Variants in AP3S1 observed in about 807,000 individuals in gnomAD.
The protein encoded by AP3S1 is adaptor related protein complex 3 subunit sigma 1.
Under a neutral mutation model 21.3 loss-of-function variants are expected in AP3S1, and 12 were observed. The ratio of observed to expected loss-of-function variants is 0.56; its 90% CI spans 0.36 to 0.91. The LOEUF is 0.91. Ranked by LOEUF, AP3S1 falls within the 40% of genes least tolerant of loss-of-function variation. AP3S1 has a pLI of 0.01. For missense variants in AP3S1, 116 were observed against 225.0 expected (o/e 0.52, Z 3.10); for synonymous variants, 48 against 78.4 (o/e 0.61, Z 2.05).
chr5:115,885,371 A>G (rs151306428), intron 3 of AP3S1, among the ~76,000 whole-genome samples: 1 of 152,204 alleles, frequency 6.6e-6, no homozygotes, highest in Non-Finnish European at 1.5e-5. Flanking sequence ...TGCAGCCTTC[A>G]GTCTGTGGTC....
intron 1 of AP3S1, among the ~76,000 whole-genome samples, chr5:115,852,570 T>A (rs152369): frequency 0.33 from 49,571 of 151,992 alleles, 8,327 homozygotes; most frequent in South Asian, 0.45. Flanking sequence ...TAAGTTTAGA[T>A]CATTTTTGTC....
rs565737658 is a variant in AP3S1 at position 115,881,885 on chromosome 5, A to T, written c.273+11757A>T. 3.3e-5 allele frequency among the ~76,000 whole-genome samples: 5 copies of T among 151,856 alleles called. No homozygotes were observed. In the South Asian group the frequency reaches 1.0e-3, roughly 32 times the overall value. Reference sequence around the variant, plus strand: ...TCATGTAGTGTCATATTTCTTGGAGACATTGTTTGTTCCTTTTCATTCTTT... The same window carrying T: ...TCATGTAGTGTCATATTTCTTGGAGTCATTGTTTGTTCCTTTTCATTCTTT... On this transcript the variant is annotated intron_variant, in intron 3 of 5. Transcript: ENST00000316788.
intron 1 of AP3S1, chr5:115,842,689 T>C (rs539055910): frequency 2.6e-5 from 4 of 152,454 alleles, no homozygotes; most frequent in Admixed American, 6.5e-5. Context: ...CTGTACAGTC[T>C]CTCTTCTGCA....
rs572687640 is a variant in AP3S1, at chr5:115,841,971, G to T, written c.-67G>T. The stretch of plus-strand genomic sequence containing the variant: ...GGGGAAGGATCGCAGGCGAGATTAC[G>T]AGGCGAGGCTCGCGCGCCCGCCCCC... On this transcript the variant is annotated 5_prime_UTR_variant, in exon 1 of 6. Transcript: ENST00000316788. 29 of 1,449,010 alleles carry T rather than the reference G, an allele frequency of 2.0e-5. No individual in the cohort carries two copies. The highest frequency in any genetic ancestry group is 3.1e-5 in the African/African-American group (2 of 64,322). The allele number at this position is 1,449,010 out of a possible 1,614,324, so 89.8% of individuals were successfully genotyped here.
intron 3 of AP3S1, among the ~76,000 whole-genome samples, chr5:115,886,894 G>A (rs917806677): frequency 3.3e-5 from 5 of 152,294 alleles, no homozygotes; most frequent in Middle Eastern, 3.4e-3. Context: ...TATGTGTTAA[G>A]TGCATGGTAC....
At chr5:115,854,497 T>G (rs1196353301) in intron 1 of AP3S1, among the ~76,000 whole-genome samples, 1 of 152,130 alleles carries the variant, frequency 6.6e-6, no homozygotes, top group Non-Finnish European at 1.5e-5. Context: ...CTATCCTGAT[T>G]GCTGGTTCTT....
intron 5 of AP3S1, 41 bp from the exon 6 acceptor site, chr5:115,913,321 G>A (rs764677437): frequency 4.3e-6 from 5 of 1,153,548 alleles, no homozygotes; most frequent in Non-Finnish European, 2.2e-6. Flanking sequence ...CTACACCTGA[G>A]TTGTACATTT....
At chr5:115,855,858 A>C (rs1297574022) in intron 1 of AP3S1, among the ~76,000 whole-genome samples, 2 of 151,852 alleles carry the variant, frequency 1.3e-5, no homozygotes, top group Non-Finnish European at 2.9e-5. Flanking sequence ...AAATTTTTAA[A>C]AGAATGATGA....
Position 115,904,324 on chromosome 5 carries a change from G to T in AP3S1, c.453+1332G>T, listed in dbSNP as rs146493238. 5.1e-3 allele frequency among the ~76,000 whole-genome samples: 779 copies of T among 152,284 alleles called. 2 individuals carry two copies. The highest frequency in any genetic ancestry group is 7.3e-3 in the South Asian group (35 of 4,824). On this transcript the variant is annotated intron_variant, in intron 5 of 5. Coordinates refer to ENST00000316788, the MANE Select transcript of AP3S1 (RefSeq NM_001284.4). ...GGTGAGTTCTGAAAAATTTTACCTT[G>T]TTGGCATTTTAAAGGATCAGTTTAA...
At chr5:115,904,488 A>T (rs931143888) in intron 5 of AP3S1, among the ~76,000 whole-genome samples, 3 of 152,176 alleles carry the variant, frequency 2.0e-5, no homozygotes, top group African/African-American at 7.2e-5. Flanking sequence ...ATTTTTCTTT[A>T]TCTCAATTTC....
In AP3S1 at chr5:115,859,212, AT is replaced by A. The variant is rs553310316; in HGVS notation, c.70-7456del. On this transcript the variant is annotated intron_variant, in intron 1 of 5. Coordinates refer to ENST00000316788, the MANE Select transcript of AP3S1 (RefSeq NM_001284.4). ...CAGTTTAGGTAGTGTAGGAATTGGAATTGTGACTACAACTCCCCAAATCGTC... is the reference window on the plus strand; with the variant it reads ...CAGTTTAGGTAGTGTAGGAATTGGAATGTGACTACAACTCCCCAAATCGTC... Among the ~76,000 whole-genome samples the A allele has an allele frequency of 2.6e-4, 40 of 152,316 alleles. No homozygotes were observed. In the East Asian group the frequency reaches 7.7e-3, roughly 29 times the overall value.
At chr5:115,893,117 G>A (rs2112539914) in intron 3 of AP3S1, among the ~76,000 whole-genome samples, 1 of 152,168 alleles carries the variant, frequency 6.6e-6, no homozygotes, top group African/African-American at 2.4e-5. Context: ...ATCCCTTCTG[G>A]TTCTTGTGTA....
intron 1 of AP3S1, among the ~76,000 whole-genome samples, chr5:115,844,359 G>GA (rs369952398): frequency 4.0e-5 from 6 of 150,664 alleles, no homozygotes; most frequent in African/African-American, 1.2e-4. Flanking sequence ...ACGTGCTGTG[G>GA]AAAAAAAAAT....
intron 1 of AP3S1, among the ~76,000 whole-genome samples, chr5:115,856,241 A>C (rs1580628221): frequency 6.6e-6 from 1 of 152,198 alleles, no homozygotes; most frequent in African/African-American, 2.4e-5. Flanking sequence ...GTCAGCAGAT[A>C]CTTATTTAAT....
At chr5:115,899,131 G>C (rs1185767684) in intron 4 of AP3S1, among the ~76,000 whole-genome samples, 3 of 152,172 alleles carry the variant, frequency 2.0e-5, no homozygotes, top group African/African-American at 7.2e-5. Flanking sequence ...TCGGAGGCCT[G>C]TGTCTTTCAT....
At chr5:115,867,613 A>G (rs1243017858) in intron 2 of AP3S1, among the ~76,000 whole-genome samples, 2 of 152,190 alleles carry the variant, frequency 1.3e-5, no homozygotes, top group Admixed American at 1.3e-4. Flanking sequence ...CTGAAAGATT[A>G]TATCATGCTG....
intron 3 of AP3S1, among the ~76,000 whole-genome samples, chr5:115,891,400 C>T (rs1399917747): frequency 6.6e-6 from 1 of 152,092 alleles, no homozygotes; most frequent in Non-Finnish European, 1.5e-5. Context: ...ATGACACAGT[C>T]CCACAAGGCT....
At chr5:115,848,998 G>A (rs2112774653) in intron 1 of AP3S1, among the ~76,000 whole-genome samples, 1 of 152,308 alleles carries the variant, frequency 6.6e-6, no homozygotes, top group African/African-American at 2.4e-5. Context: ...AGGCCTTCTA[G>A]AGATAGGCCT....
chr5:115,887,653 C>G (rs952765320), intron 3 of AP3S1, among the ~76,000 whole-genome samples: 14 of 151,950 alleles, frequency 9.2e-5, no homozygotes, highest in East Asian at 5.8e-4. Flanking sequence ...TTCATTTAAT[C>G]ACTAAAACAA....
Sources: gnomAD v4.1 joint callset for allele counts (sites outside exome capture counted in the v4.1 genomes callset) on GRCh38, gnomAD v4.1.1 for gene constraint, MANE v1.5 for transcripts, NCBI Gene and HGNC (gene_info 2026-07-23, HGNC 2026-07-21) for gene names.